Variants in RBFOX1 observed in about 807,000 individuals in gnomAD.
RBFOX1 encodes the protein RNA binding protein fox-1 homolog 1.
Under a neutral mutation model 57.7 loss-of-function variants are expected in RBFOX1, and 8 were observed. The ratio of observed to expected loss-of-function variants is 0.14; its 90% CI spans 0.08 to 0.25. The LOEUF is 0.25. Among genes scored for constraint, RBFOX1 ranks in the 10% least tolerant of loss-of-function variants. The pLI, the probability that RBFOX1 is intolerant of heterozygous loss-of-function variation, is 1.00. For missense variants in RBFOX1, 611 were observed against 548.5 expected, an observed-to-expected ratio of 1.11 and a Z score of -1.14; for synonymous variants, 326 against 222.4, an observed-to-expected ratio of 1.47 and a Z score of -4.15.
chr16:6,861,488 C>A (rs955721558), intron 3 of RBFOX1, among the ~76,000 whole-genome samples: 2 of 52,562 alleles, frequency 3.8e-5, no homozygotes, highest in Non-Finnish European at 1.2e-4. Flanking sequence ...CCAACCCCCT[C>A]CCCCCCCGAC....
rs1380288721 is a variant in RBFOX1 at position 6,625,965 on chromosome 16, T to C, written c.-63-28638T>C. On this transcript the variant is annotated intron_variant, in intron 2 of 15. Transcript: ENST00000550418. Reference sequence around the variant, plus strand: ...CTTGAGAGCTCATTGAGGTACATGTTCAGTAATTTTTGAATCTAATCAAAA... The same window carrying C: ...CTTGAGAGCTCATTGAGGTACATGTCCAGTAATTTTTGAATCTAATCAAAA... Among the ~76,000 whole-genome samples the C allele has an allele frequency of 3.9e-5, 6 of 152,300 alleles. No individual in the cohort carries two copies. The South Asian group carries it at 1.0e-3, about 26-fold the overall frequency.
intron 1 of RBFOX1, among the ~76,000 whole-genome samples, chr16:6,057,295 C>G (rs2095626242): frequency 6.6e-6 from 1 of 151,756 alleles, no homozygotes; most frequent in Non-Finnish European, 1.5e-5. Context: ...GAATAATGAC[C>G]TGGGTTTTTT....
intron 4 of RBFOX1, among the ~76,000 whole-genome samples, chr16:7,307,896 C>T (rs893401702): frequency 1.3e-5 from 2 of 152,198 alleles, no homozygotes; most frequent in Admixed American, 1.3e-4. Context: ...TGAGTGGCTT[C>T]ATGCTGTGTC....
intron 2 of RBFOX1, among the ~76,000 whole-genome samples, chr16:6,350,410 C>G (rs2086113226): frequency 8.1e-6 from 1 of 123,894 alleles, no homozygotes; most frequent in African/African-American, 3.1e-5. Flanking sequence ...CATTGCGCTC[C>G]AGCCTGGGCA....
At chr16:6,133,010 A>T (rs372206310) in intron 1 of RBFOX1, among the ~76,000 whole-genome samples, 6 of 149,584 alleles carry the variant, frequency 4.0e-5, no homozygotes, top group East Asian at 1.9e-4. Context: ...GCTTTTCAAA[A>T]GGTCTCTGCT....
chr16:6,064,219 C>T (rs541730480), intron 1 of RBFOX1, among the ~76,000 whole-genome samples: 2 of 152,244 alleles, frequency 1.3e-5, no homozygotes, highest in Middle Eastern at 3.4e-3. Context: ...ATGACCTATA[C>T]GTTCTTTAAA....
At chr16:6,960,396 C>T (rs975332008) in intron 3 of RBFOX1, among the ~76,000 whole-genome samples, 6 of 152,134 alleles carry the variant, frequency 3.9e-5, no homozygotes, top group Non-Finnish European at 8.8e-5. Context: ...TTAAGTTGGT[C>T]TGGTGATATT....
chr16:7,071,599 GTGTGT>G (rs1286039729), intron 4 of RBFOX1, among the ~76,000 whole-genome samples: 1 of 151,104 alleles, frequency 6.6e-6, no homozygotes, highest in Non-Finnish European at 1.5e-5. Context: ...GTGTGTGTGT[GTGTGT>G]GTGTGTGTGT....
intron 3 of RBFOX1, among the ~76,000 whole-genome samples, chr16:6,785,503 C>T (rs1299423638): frequency 6.6e-6 from 1 of 152,150 alleles, no homozygotes; most frequent in African/African-American, 2.4e-5. Flanking sequence ...AACACCTTTC[C>T]ATCCTACCTT....
chr16:7,037,957 A>G (rs770555761), intron 3 of RBFOX1, among the ~76,000 whole-genome samples: 4 of 152,208 alleles, frequency 2.6e-5, no homozygotes, highest in Non-Finnish European at 5.9e-5. Flanking sequence ...TTATTATTAG[A>G]GCTCTGTAAT....
intron 4 of RBFOX1, among the ~76,000 whole-genome samples, chr16:7,501,027 C>T (rs1365706404): frequency 3.3e-5 from 5 of 152,174 alleles, no homozygotes; most frequent in Admixed American, 2.0e-4. Flanking sequence ...CCCCTTCCAC[C>T]ATGATTGTAA....
chr16:6,630,754 C>T (rs909549751), intron 2 of RBFOX1, among the ~76,000 whole-genome samples: 4 of 151,962 alleles, frequency 2.6e-5, no homozygotes, highest in Non-Finnish European at 5.9e-5. Context: ...ATGAAAATAC[C>T]ATGAGAAGGA....
chr16:6,878,125 G>T (rs1440905687), intron 3 of RBFOX1, among the ~76,000 whole-genome samples: 2 of 152,124 alleles, frequency 1.3e-5, no homozygotes, highest in African/African-American at 4.8e-5. Flanking sequence ...GGACTTCTAA[G>T]AGAAGTGATA....
chr16:6,018,764 T>C (rs888285396), upstream of RBFOX1, among the ~76,000 whole-genome samples: 5 of 152,080 alleles, frequency 3.3e-5, no homozygotes, highest in Non-Finnish European at 7.4e-5. Context: ...TCTACTTTGA[T>C]TGGGGTTGGG....
At chr16:7,324,107 A>G (rs1316582359) in intron 4 of RBFOX1, among the ~76,000 whole-genome samples, 1 of 152,188 alleles carries the variant, frequency 6.6e-6, no homozygotes, top group African/African-American at 2.4e-5. Context: ...CCCAAGAGGA[A>G]GACAGGGCAA....
chr16:6,200,907 T>G (rs57029104), intron 1 of RBFOX1, among the ~76,000 whole-genome samples: 1 of 151,390 alleles, frequency 6.6e-6, no homozygotes, highest in Non-Finnish European at 1.5e-5. Context: ...ATGCAGCTCA[T>G]TTTTGCTGGA....
intron 5 of RBFOX1, among the ~76,000 whole-genome samples, chr16:7,537,442 CAG>C: frequency 6.6e-6 from 1 of 152,286 alleles, no homozygotes; most frequent in Non-Finnish European, 1.5e-5. Flanking sequence ...TGATGTGACT[CAG>C]TGTGTTCCCT....
intron 1 of RBFOX1, among the ~76,000 whole-genome samples, chr16:6,126,614 C>A (rs2096591595): frequency 6.6e-6 from 1 of 152,140 alleles, no homozygotes; most frequent in Admixed American, 6.5e-5. Context: ...GCTACCAGGT[C>A]AGGTATGATG....
intron 4 of RBFOX1, among the ~76,000 whole-genome samples, chr16:7,180,767 G>A (rs1254286016): frequency 1.3e-5 from 2 of 150,762 alleles, no homozygotes; most frequent in Admixed American, 6.6e-5. Flanking sequence ...AAATATTTAG[G>A]CAAAATATTA....
Sources: gnomAD v4.1 joint callset for allele counts (sites outside exome capture counted in the v4.1 genomes callset) on GRCh38, gnomAD v4.1.1 for gene constraint, MANE v1.5 for transcripts, NCBI Gene and HGNC (gene_info 2026-07-23, HGNC 2026-07-21) for gene names.